The following MICAL3 variants were observed in gnomAD, a reference collection of about 807,000 sequenced individuals.
MICAL3 encodes the protein microtubule associated monooxygenase, calponin and LIM domain containing 3.
MICAL3 carries 62 observed loss-of-function variants against 207.4 expected under a neutral mutation model. That is an observed-to-expected ratio of 0.30 (90% CI 0.24 to 0.37). MICAL3 has a LOEUF of 0.37. MICAL3 is among the 10% of genes least tolerant of loss of function. The probability of loss-of-function intolerance (pLI) is 1.00; values close to 1 mark genes in which losing one functional copy is unlikely to be tolerated. For missense variants in MICAL3, 2,368 were observed against 2,635.6 expected (o/e 0.90, Z 2.22); for synonymous variants, 1,077 against 1,069.3 (o/e 1.01, Z -0.14).
intron 6 of MICAL3, 42 bp from the exon 7 acceptor site, chr22:17,899,590 A>T: frequency 7.8e-7 from 1 of 1,287,148 alleles, no homozygotes; most frequent in Non-Finnish European, 1.1e-6. Flanking sequence ...GTTTGCTGAG[A>T]TGAAGGTGCA....
At chr22:17,870,542 A>G (rs1228358861) in intron 17 of MICAL3, among the ~76,000 whole-genome samples, 4 of 152,310 alleles carry the variant, frequency 2.6e-5, no homozygotes, top group African/African-American at 9.6e-5. Context: ...CCTGTAGATC[A>G]ATTAGCTGCA....
rs536468489 is a variant in MICAL3, at chr22:17,959,366, G to A, written c.-74-52480C>T. Among the ~76,000 whole-genome samples the A allele has an allele frequency of 1.1e-3, 167 of 151,620 alleles. 1 individual carries two copies. The highest frequency in any genetic ancestry group is 0.01 in the Middle Eastern group (3 of 292). ...GTCTCGCTCTGTCACCCAGGCTGGA[G>A]TGCAGTGGCGCAATCTTGGTTCACT... On this transcript the variant is annotated intron_variant, in intron 1 of 31. Transcript: ENST00000441493.
intron 19 of MICAL3, chr22:17,858,461 GAA>G (rs1228713230): frequency 1.0e-6 from 1 of 985,252 alleles, no homozygotes; most frequent in Admixed American, 6.1e-5. Flanking sequence ...CTGGAATTCG[GAA>G]AGACTTCTCC....
chr22:18,019,153 C>T (rs1924267496), intron 1 of MICAL3: 2 of 151,980 alleles, frequency 1.3e-5, no homozygotes, highest in Admixed American at 1.3e-4. Flanking sequence ...GATCACAACA[C>T]TACTGCACTC....
rs574704908 is a variant in MICAL3 at position 17,966,090 on chromosome 22, T to C, written c.-75+58191A>G. Among the ~76,000 whole-genome samples, 7 of 152,328 alleles carry C rather than the reference T, an allele frequency of 4.6e-5. 1 individual carries two copies. The South Asian group carries it at 1.4e-3, about 32-fold the overall frequency. On this transcript the variant is annotated intron_variant, in intron 1 of 31. Transcript: ENST00000441493. The stretch of plus-strand genomic sequence containing the variant: ...ACTCCATGCCATGCAGGATCTGCCA[T>C]CTGCTGCCAGCTTCATCATTCTCAG...
intron 1 of MICAL3, among the ~76,000 whole-genome samples, chr22:17,939,407 C>G (rs1933705509): frequency 6.6e-6 from 1 of 152,216 alleles, no homozygotes; most frequent in Non-Finnish European, 1.5e-5. Flanking sequence ...AGCTGAGGAC[C>G]AGTGCCACAA....
intron 17 of MICAL3, among the ~76,000 whole-genome samples, chr22:17,866,603 TAGAAC>T (rs200671730): frequency 0.021 from 3,004 of 143,440 alleles, 102 homozygotes; most frequent in African/African-American, 0.038. Context: ...GGGAACAGCA[TAGAAC>T]AGAACAGAAT....
chr22:17,964,870 G>A lies in MICAL3; in HGVS notation c.-74-57984C>T, dbSNP rs540727687. ...CACTGGCTGGTTCAGGAGGGCTGGG[G>A]GTTTTCAGAAGCAGCAGCCGCATGG... On this transcript the variant is annotated intron_variant, in intron 1 of 31. Coordinates refer to ENST00000441493, the MANE Select transcript of MICAL3 (RefSeq NM_015241.3). 3.4e-3 allele frequency among the ~76,000 whole-genome samples: 525 copies of A among 152,342 alleles called. 4 individuals carry two copies. The highest frequency in any genetic ancestry group is 0.012 in the African/African-American group (501 of 41,582).
chr22:17,891,735 G>A, intron 11 of MICAL3, 103 bp from the exon 12 acceptor site: 1 of 1,122,224 alleles, frequency 8.9e-7, no homozygotes, highest in Non-Finnish European at 1.3e-6. Flanking sequence ...AATTACTGAG[G>A]GTAGGGACGA....
At chr22:17,875,200 C>G (rs1374922154) in intron 16 of MICAL3, 1 of 275,828 alleles carries the variant, frequency 3.6e-6, no homozygotes, top group African/African-American at 2.2e-5. Flanking sequence ...AGCGGGTTCA[C>G]ATCAACAGAC....
At chr22:17,917,917 C>T (rs1209607674) in intron 1 of MICAL3, among the ~76,000 whole-genome samples, 2 of 152,202 alleles carry the variant, frequency 1.3e-5, no homozygotes, top group African/African-American at 4.8e-5. Context: ...GAGGTAAGCC[C>T]AGCTATGAGA....
chr22:17,994,154 CT>C (rs1922014041), intron 1 of MICAL3, among the ~76,000 whole-genome samples: 1 of 152,226 alleles, frequency 6.6e-6, no homozygotes, highest in African/African-American at 2.4e-5. Context: ...TCTCCCACCC[CT>C]GTCCCTGTCC....
intron 3 of MICAL3, among the ~76,000 whole-genome samples, chr22:17,904,336 A>G (rs1409935092): frequency 6.6e-6 from 1 of 152,226 alleles, no homozygotes; most frequent in Non-Finnish European, 1.5e-5. Flanking sequence ...CCCAGTGCCC[A>G]TCCCACAAAC....
chr22:17,945,397 C>T (rs9618172), intron 1 of MICAL3, among the ~76,000 whole-genome samples: 8,973 of 152,272 alleles, frequency 0.059, 393 homozygotes, highest in African/African-American at 0.13. Flanking sequence ...TCCCTGCACA[C>T]GCGCTGCCAA....
chr22:17,931,605 G>C (rs538165246), intron 1 of MICAL3, among the ~76,000 whole-genome samples: 143 of 152,308 alleles, frequency 9.4e-4, no homozygotes, highest in Non-Finnish European at 1.4e-3. Flanking sequence ...CCCTTCTGAA[G>C]GGACAGACTG....
intron 10 of MICAL3, among the ~76,000 whole-genome samples, chr22:17,894,689 C>T (rs1352959032): frequency 6.7e-6 from 1 of 149,636 alleles, no homozygotes; most frequent in Non-Finnish European, 1.5e-5. Flanking sequence ...CCCAGCTACT[C>T]GGGAGGCTGA....
intron 27 of MICAL3, chr22:17,811,127 C>G: frequency 3.9e-6 from 1 of 257,142 alleles, no homozygotes; most frequent in Non-Finnish European, 7.6e-6. Flanking sequence ...GACTGTTAGG[C>G]AGTTAAAACA....
intron 1 of MICAL3, among the ~76,000 whole-genome samples, chr22:17,935,255 A>G (rs1450161404): frequency 6.6e-6 from 1 of 152,220 alleles, no homozygotes; most frequent in African/African-American, 2.4e-5. Flanking sequence ...AACAGAAAAG[A>G]GGCCTCAGAA....
At chr22:17,988,137 G>A (rs897257352) in intron 1 of MICAL3, among the ~76,000 whole-genome samples, 2 of 152,132 alleles carry the variant, frequency 1.3e-5, no homozygotes, top group Non-Finnish European at 2.9e-5. Flanking sequence ...TATCTCTTGG[G>A]TTTTTCTTCA....
Sources: gnomAD v4.1 joint callset for allele counts (sites outside exome capture counted in the v4.1 genomes callset) on GRCh38, gnomAD v4.1.1 for gene constraint, MANE v1.5 for transcripts, NCBI Gene and HGNC (gene_info 2026-07-23, HGNC 2026-07-21) for gene names.